HPCA: variants seen among roughly 807,000 people sequenced by gnomAD.
The protein encoded by HPCA is neuron-specific calcium-binding protein hippocalcin.
HPCA carries 4 observed loss-of-function variants against 18.2 expected under a neutral mutation model. That is an observed-to-expected ratio of 0.22 (90% CI 0.11 to 0.50). The LOEUF is 0.50. Among genes scored for constraint, HPCA ranks in the 20% least tolerant of loss-of-function variants. HPCA has a pLI of 0.97. For synonymous variants in HPCA, 93 were observed against 103.5 expected (o/e 0.90, Z 0.61); for missense variants, 161 against 265.8 (o/e 0.61, Z 2.74).
chr1:32,886,301 G>C (rs1641361406), upstream of HPCA: 2 of 152,070 alleles, frequency 1.3e-5, no homozygotes, highest in East Asian at 3.9e-4. The surrounding 1 kb of genome is among the most constrained non-coding windows in gnomAD (Gnocchi z 7.0). Flanking sequence ...GGGAACTGAG[G>C]GCGTCCCCTT....
chr1:32,888,147 C>CTTACCA (rs967966841), intron 1 of HPCA, among the ~76,000 whole-genome samples: 8 of 152,174 alleles, frequency 5.3e-5, no homozygotes, highest in Admixed American at 5.2e-4. Context: ...ATCCCCAAAA[C>CTTACCA]AATCCTCTTA....
chr1:32,894,600 T>A lies in HPCA; in HGVS notation c.*738T>A. 3.8e-6 allele frequency: 2 copies of A among 524,696 alleles called. No homozygotes were observed. The highest frequency in any genetic ancestry group is 6.3e-6 in the Non-Finnish European group (2 of 318,752). The allele number at this position is 524,696 out of a possible 1,614,324, so 32.5% of individuals were successfully genotyped here. ...CCCCTGCATGCAGCCAAATGGAGCA[T>A]CTCTGTTCTTTTTAATAATTTCAGA... On this transcript the variant is annotated 3_prime_UTR_variant, in exon 4 of 4. Transcript: ENST00000373467.
In HPCA at chr1:32,886,614, G is replaced by A. The variant is rs1240173537; in HGVS notation, c.-22+99G>A. ...GGGCTTCCCAACACCGCCGCTCCCGGGCTTCCCGGGAATCCTTGCCCCGGG... is the reference window on the plus strand; with the variant it reads ...GGGCTTCCCAACACCGCCGCTCCCGAGCTTCCCGGGAATCCTTGCCCCGGG... On this transcript the variant is annotated intron_variant, in intron 1 of 3. Coordinates refer to ENST00000373467, the MANE Select transcript of HPCA (RefSeq NM_002143.3). This position sits in a 1 kb window ranked among gnomAD's most constrained non-coding sequence, Gnocchi z 7.0. 1 of 152,288 alleles carries A rather than the reference G, an allele frequency of 6.6e-6. No individual in the cohort carries two copies. Among genetic ancestry groups the A allele is most frequent in the Non-Finnish European group, 1.5e-5 (1 of 68,124 alleles). 9.4% of individuals were successfully genotyped at this position (152,288 alleles called of 1,614,324 possible). A position where few individuals can be genotyped will look rare whatever the true frequency, so the allele number is the denominator to read the frequency against.
Position 32,893,757 on chromosome 1 carries a change from C to A in HPCA, c.485-8C>A. The A allele has an allele frequency of 3.2e-6, 5 of 1,572,844 alleles. No individual in the cohort carries two copies. The highest frequency in any genetic ancestry group is 4.3e-6 in the Non-Finnish European group (5 of 1,159,548). The stretch of plus-strand genomic sequence containing the variant: ...TCCTCCCCCATCACCGCTCCCCTCG[C>A]CCTGCAGGCAAGCTGTCCTTGGAGG... On this transcript the variant is annotated splice_region_variant and splice_polypyrimidine_tract_variant and intron_variant, in intron 3 of 3. Coordinates refer to ENST00000373467, the MANE Select transcript of HPCA (RefSeq NM_002143.3). This position sits in a 1 kb window ranked among gnomAD's most constrained non-coding sequence, Gnocchi z 7.5.
chr1:32,893,261 C>G lies in HPCA; in HGVS notation c.379-263C>G, dbSNP rs943399774. On this transcript the variant is annotated intron_variant, in intron 2 of 3. Coordinates refer to ENST00000373467, the MANE Select transcript of HPCA (RefSeq NM_002143.3). The surrounding 1 kb of genome is among the most constrained non-coding windows in gnomAD (Gnocchi z 7.5). ...TCCTGACCCCTGCGCCCGCTCGGAG[C>G]TTCCACCTGCGGCGCCTTTGCTCCT... Among the ~76,000 whole-genome samples, 9 of 152,276 alleles carry G rather than the reference C, an allele frequency of 5.9e-5. No homozygotes were observed. The highest frequency in any genetic ancestry group is 1.9e-4 in the African/African-American group (8 of 41,568).
Position 32,893,490 on chromosome 1 carries a change from T to C in HPCA, c.379-34T>C. The C allele has an allele frequency of 6.8e-7, 1 of 1,463,478 alleles. No individual in the cohort carries two copies. The highest frequency in any genetic ancestry group is 9.6e-7 in the Non-Finnish European group (1 of 1,046,056). The allele number at this position is 1,463,478 out of a possible 1,614,324, so 90.7% of individuals were successfully genotyped here. Reference sequence around the variant, plus strand: ...CTTGCGGGTGGGGGCTCGGGCAGGCTCCTCTCACTCCCCGCCTCCCCTCCC... The same window carrying C: ...CTTGCGGGTGGGGGCTCGGGCAGGCCCCTCTCACTCCCCGCCTCCCCTCCC... On this transcript the variant is annotated intron_variant, in intron 2 of 3. Transcript: ENST00000373467. This position sits in a 1 kb window ranked among gnomAD's most constrained non-coding sequence, Gnocchi z 7.5.
At position 32,888,866 on chromosome 1, in the gene HPCA, T is replaced by C. The variant is rs1473950112; in HGVS notation, c.-21-12T>C. The C allele has an allele frequency of 2.5e-6, 4 of 1,585,624 alleles. No individual in the cohort carries two copies. The highest frequency in any genetic ancestry group is 3.4e-6 in the Non-Finnish European group (4 of 1,166,640). On this transcript the variant is annotated splice_polypyrimidine_tract_variant and intron_variant, in intron 1 of 3. Transcript: ENST00000373467. ...TCACTCCTCTCTGCCCTTGACCCCC[T>C]TGGGGACCCAGGTGGGACTTGGCTC...
At chr1:32,891,898 C>T (rs1303828459) in intron 2 of HPCA, among the ~76,000 whole-genome samples, 1 of 152,194 alleles carries the variant, frequency 6.6e-6, no homozygotes, top group African/African-American at 2.4e-5. Flanking sequence ...AGCATCCCTC[C>T]AGCAGCTAAG....
rs1301886885 is a variant in HPCA at position 32,889,578 on chromosome 1, C to T, written c.378+302C>T. Among the ~76,000 whole-genome samples, 1 of 152,168 alleles carries T rather than the reference C, an allele frequency of 6.6e-6. No individual in the cohort carries two copies. Among genetic ancestry groups the T allele is most frequent in the African/African-American group, 2.4e-5 (1 of 41,422 alleles). On this transcript the variant is annotated intron_variant, in intron 2 of 3. Transcript: ENST00000373467. This position sits in a 1 kb window ranked among gnomAD's most constrained non-coding sequence, Gnocchi z 4.6. ...ATTTTCTTGCTGTTCTGAACATTGG[C>T]CCTTTACCCCTGGATACATTAGGAT...
rs1641378613 is a variant in HPCA, at chr1:32,886,866, G to A, written c.-22+351G>A. Among the ~76,000 whole-genome samples, 1 of 152,176 alleles carries A rather than the reference G, an allele frequency of 6.6e-6. No individual in the cohort carries two copies. Among genetic ancestry groups the A allele is most frequent in the South Asian group, 2.1e-4 (1 of 4,830 alleles). Reference sequence around the variant, plus strand: ...GGGCTGGCTTCTCAGGTCGAGCTGAGGGGGTTCTTCCCATATGGGGGACTG... The same window carrying A: ...GGGCTGGCTTCTCAGGTCGAGCTGAAGGGGTTCTTCCCATATGGGGGACTG... On this transcript the variant is annotated intron_variant, in intron 1 of 3. Transcript: ENST00000373467. This position sits in a 1 kb window ranked among gnomAD's most constrained non-coding sequence, Gnocchi z 7.0.
chr1:32,890,920 T>A (rs1408463551), intron 2 of HPCA, among the ~76,000 whole-genome samples: 2 of 152,250 alleles, frequency 1.3e-5, no homozygotes, highest in South Asian at 4.1e-4. Context: ...ACTCTTTAGT[T>A]GCTTGATGGT....
At position 32,894,226 on chromosome 1, in the gene HPCA, T is replaced by G. The variant is rs1254075279; in HGVS notation, c.*364T>G. On this transcript the variant is annotated 3_prime_UTR_variant, in exon 4 of 4. Coordinates refer to ENST00000373467, the MANE Select transcript of HPCA (RefSeq NM_002143.3). Reference sequence around the variant, plus strand: ...GGAGTCATGCCCAGGGGAGGAGACTTTTTATCTGGAGGGGAGAGAAGGATT... The same window carrying G: ...GGAGTCATGCCCAGGGGAGGAGACTGTTTATCTGGAGGGGAGAGAAGGATT... The G allele has an allele frequency of 7.9e-6, 2 of 253,092 alleles. No homozygotes were observed. The highest frequency in any genetic ancestry group is 8.6e-5 in the South Asian group (1 of 11,640). 15.7% of individuals were successfully genotyped at this position (253,092 alleles called of 1,614,324 possible).
intron 1 of HPCA, among the ~76,000 whole-genome samples, chr1:32,887,185 AGGACACACACG>A (rs1302922212): frequency 1.3e-5 from 2 of 152,176 alleles, no homozygotes; most frequent in Non-Finnish European, 2.9e-5. Context: ...CACACCGCCG[AGGACACACACG>A]GGTCCTCCAA....
In HPCA at chr1:32,893,082, G is replaced by A. The variant is rs552157099; in HGVS notation, c.379-442G>A. ...CCCGCAGCGCAGTGCCGCCCCCTTG[G>A]CCCGGCGCCCCCTTTCGACCACCGA... On this transcript the variant is annotated intron_variant, in intron 2 of 3. Coordinates refer to ENST00000373467, the MANE Select transcript of HPCA (RefSeq NM_002143.3). The surrounding 1 kb of genome is among the most constrained non-coding windows in gnomAD (Gnocchi z 7.5). 1.3e-5 allele frequency among the ~76,000 whole-genome samples: 2 copies of A among 151,642 alleles called. No homozygotes were observed. The highest frequency in any genetic ancestry group is 4.8e-5 in the African/African-American group (2 of 41,352).
chr1:32,889,021 A>G lies in HPCA; in HGVS notation c.123A>G (p.Gly41=). 5 of 1,614,206 alleles carry G rather than the reference A, an allele frequency of 3.1e-6. No homozygotes were observed. The highest frequency in any genetic ancestry group is 3.4e-6 in the Non-Finnish European group (4 of 1,180,038). The change falls in exon 2 of 4, where the codon GGA becomes GGG. Residue 41 remains glycine, a synonymous_variant. Transcript: ENST00000373467. This position sits in a 1 kb window ranked among gnomAD's most constrained non-coding sequence, Gnocchi z 4.6. ...YKGFLKDCPT[G]ILNVDEFKKI... is the part of the protein sequence containing the mutation. The stretch of plus-strand genomic sequence containing the variant: ...GCTTCCTCAAGGACTGCCCCACAGG[A>G]ATCCTCAATGTGGATGAGTTCAAGA...
In HPCA at chr1:32,893,809, C is replaced by G. The variant is rs1641513408; in HGVS notation, c.529C>G (p.Pro177Ala). The G allele has an allele frequency of 6.3e-7, 1 of 1,581,336 alleles. No individual in the cohort carries two copies. The highest frequency in any genetic ancestry group is 8.6e-7 in the Non-Finnish European group (1 of 1,164,538). Residue 177 changes from proline (P) to alanine (A), a missense_variant, in exon 4 of 4, where the codon CCG becomes GCG. Pro to Ala is a conservative substitution (Grantham distance 27). Transcript: ENST00000373467. The surrounding 1 kb of genome is among the most constrained non-coding windows in gnomAD (Gnocchi z 7.5). ...EEFIRGAKSDPSIVRLLQCDP... is the reference protein window; with the variant it reads ...EEFIRGAKSDASIVRLLQCDP... ...GTTCATCCGCGGGGCCAAAAGCGAC[C>G]CGTCCATCGTGCGTCTGCTGCAGTG...
intron 1 of HPCA, among the ~76,000 whole-genome samples, chr1:32,887,264 C>T (rs1641386323): frequency 6.6e-6 from 1 of 152,174 alleles, no homozygotes; most frequent in Admixed American, 6.5e-5. Context: ...ATCACATGCA[C>T]ATCTGAGGCA....
intron 1 of HPCA, 61 bp from the exon 2 acceptor site, chr1:32,888,817 T>A: frequency 6.9e-7 from 1 of 1,446,578 alleles, no homozygotes. Context: ...TCTGGAGCAG[T>A]GTCTAGTAGC....
chr1:32,893,034 G>A lies in HPCA; in HGVS notation c.379-490G>A, dbSNP rs150932593. On this transcript the variant is annotated intron_variant, in intron 2 of 3. Transcript: ENST00000373467. This position sits in a 1 kb window ranked among gnomAD's most constrained non-coding sequence, Gnocchi z 7.5. ...CCTCTGGCCCTCCAGCCCGCGCCGC[G>A]CCCCCTGCCGGCAGCAGACGGCCCC... 0.038 allele frequency among the ~76,000 whole-genome samples: 5,775 copies of A among 151,358 alleles called. 225 individuals carry two copies. Among genetic ancestry groups the A allele is most frequent in the Admixed American group, 0.13 (1,969 of 15,214 alleles).
Sources: allele counts gnomAD v4.1 joint callset (sites outside exome capture counted in the v4.1 genomes callset), GRCh38; gene constraint gnomAD v4.1.1; non-coding constraint Gnocchi (gnomAD v3.1); transcripts MANE v1.5; gene names NCBI Gene and HGNC (gene_info 2026-07-23, HGNC 2026-07-21).